Variants in RAB11FIP4 observed in about 807,000 individuals in gnomAD.
The protein encoded by RAB11FIP4 is rab11 family-interacting protein 4.
In RAB11FIP4, 23 loss-of-function variants were observed where a neutral mutation model predicts 74.3. The observed-to-expected ratio is 0.31, with a 90% CI of 0.22 to 0.44. The LOEUF is 0.44. Among genes scored for constraint, RAB11FIP4 ranks in the 20% least tolerant of loss-of-function variants. The pLI is 1.00. For missense variants in RAB11FIP4, 630 were observed against 863.9 expected (o/e 0.73, Z 3.39); for synonymous variants, 360 against 359.9 (o/e 1.00, Z 0.00).
At chr17:31,484,252 G>A (rs1437261787) in intron 3 of RAB11FIP4, among the ~76,000 whole-genome samples, 1 of 151,848 alleles carries the variant, frequency 6.6e-6, no homozygotes, top group East Asian at 1.9e-4. Flanking sequence ...TGTATTTTTA[G>A]CAGAGACAGG....
At chr17:31,479,391 A>G (rs1056678730) in intron 3 of RAB11FIP4, among the ~76,000 whole-genome samples, 5 of 152,312 alleles carry the variant, frequency 3.3e-5, no homozygotes, top group African/African-American at 4.8e-5. Context: ...TCAAGTCCTC[A>G]GCTTTCCATT....
At chr17:31,460,792 G>A (rs948179075) in intron 3 of RAB11FIP4, among the ~76,000 whole-genome samples, 2 of 151,854 alleles carry the variant, frequency 1.3e-5, no homozygotes, top group African/African-American at 4.8e-5. Flanking sequence ...GTGCAGTGGT[G>A]TGATCCTAGC....
At chr17:31,519,007 CTTTTT>C (rs1190316585) in intron 4 of RAB11FIP4, among the ~76,000 whole-genome samples, 2,416 of 73,758 alleles carry the variant, frequency 0.033, 47 homozygotes, top group East Asian at 0.26. Context: ...TAAGTTTTGT[CTTTTT>C]TTTTTTTTTT....
Position 31,532,238 on chromosome 17 carries a change from G to A in RAB11FIP4, c.*506G>A, listed in dbSNP as rs2072884471. ...CTCTTTGGCCACCTTTCAAGCCCCAGTGTTCAAGCTCAGAGAGGATGAAGG... is the reference window on the plus strand; with the variant it reads ...CTCTTTGGCCACCTTTCAAGCCCCAATGTTCAAGCTCAGAGAGGATGAAGG... On this transcript the variant is annotated 3_prime_UTR_variant, in exon 15 of 15. Transcript: ENST00000621161. 6.4e-6 allele frequency: 1 copy of A among 156,624 alleles called. No individual in the cohort carries two copies. Among genetic ancestry groups the A allele is most frequent in the Admixed American group, 6.1e-5 (1 of 16,412 alleles). 9.7% of individuals were successfully genotyped at this position (156,624 alleles called of 1,614,324 possible).
intron 3 of RAB11FIP4, among the ~76,000 whole-genome samples, chr17:31,438,830 T>A (rs1284807348): frequency 1.3e-5 from 2 of 152,118 alleles, no homozygotes; most frequent in Non-Finnish European, 2.9e-5. Flanking sequence ...AAGACTTACT[T>A]GCCGGGAGTG....
chr17:31,434,998 C>T (rs1200992121), intron 3 of RAB11FIP4, among the ~76,000 whole-genome samples: 1 of 144,246 alleles, frequency 6.9e-6, no homozygotes, highest in South Asian at 2.3e-4. Flanking sequence ...GCAGCCTGGG[C>T]AAGATGATGA....
chr17:31,522,052 G>GAGGCCC lies in RAB11FIP4; in HGVS notation c.893+12_893+17dup. On this transcript the variant is annotated splice_donor_region_variant and intron_variant, in intron 6 of 14. Coordinates refer to ENST00000621161, the MANE Select transcript of RAB11FIP4 (RefSeq NM_032932.6). ...CTGAAAAACCTGAAGGCCAACAGGT[G>GAGGCCC]AGGCCCAGGCCCAGCTGGGGGGTGA... 3 of 1,614,034 alleles carry GAGGCCC rather than the reference G, an allele frequency of 1.9e-6. No individual in the cohort carries two copies. The highest frequency in any genetic ancestry group is 2.5e-6 in the Non-Finnish European group (3 of 1,180,048).
Position 31,537,353 on chromosome 17 carries a change from T to C in RAB11FIP4, c.*5621T>C. The C allele has an allele frequency of 2.5e-6, 1 of 397,866 alleles. No homozygotes were observed. The highest frequency in any genetic ancestry group is 3.6e-5 in the East Asian group (1 of 28,066). The allele number at this position is 397,866 out of a possible 1,614,324, so 24.6% of individuals were successfully genotyped here. On this transcript the variant is annotated 3_prime_UTR_variant, in exon 15 of 15. Transcript: ENST00000621161. ...GCTCAGCCTGTAGACTTGGTAACTT[T>C]GTACAGAATCTTTCATTATTGTCTT...
intron 10 of RAB11FIP4, 75 bp downstream of exon 10, chr17:31,525,305 C>A: frequency 4.3e-6 from 6 of 1,411,488 alleles, no homozygotes; most frequent in Non-Finnish European, 5.7e-6. Context: ...TAGGCGCTAT[C>A]CCCATTTTAT....
intron 3 of RAB11FIP4, among the ~76,000 whole-genome samples, chr17:31,494,229 T>C (rs1424337337): frequency 6.6e-6 from 1 of 151,880 alleles, no homozygotes; most frequent in Non-Finnish European, 1.5e-5. Context: ...TGCCCCTTGC[T>C]ATTGGTGGAA....
At chr17:31,409,292 C>T (rs1020808871) in intron 1 of RAB11FIP4, among the ~76,000 whole-genome samples, 1 of 152,218 alleles carries the variant, frequency 6.6e-6, no homozygotes, top group South Asian at 2.1e-4. Flanking sequence ...CTCTCCGCTC[C>T]GTTCTCCTTT....
At chr17:31,454,108 CAG>C (rs1324849298) in intron 3 of RAB11FIP4, among the ~76,000 whole-genome samples, 3 of 152,112 alleles carry the variant, frequency 2.0e-5, no homozygotes, top group East Asian at 3.9e-4. Context: ...TCTCCCAGGG[CAG>C]AGACTGGCCT....
intron 3 of RAB11FIP4, among the ~76,000 whole-genome samples, chr17:31,511,264 G>A (rs976515418): frequency 2.6e-5 from 4 of 152,120 alleles, no homozygotes; most frequent in African/African-American, 7.2e-5. Flanking sequence ...ACGCCACCCC[G>A]CGCCTCCTTT....
intron 1 of RAB11FIP4, 161 bp from the exon 2 acceptor site, chr17:31,431,652 A>G (rs1288248577): frequency 1.7e-6 from 1 of 602,306 alleles, no homozygotes; most frequent in African/African-American, 1.9e-5. Context: ...CCATGGGGAG[A>G]ATAAAGTGGC....
At chr17:31,509,357 C>G (rs1446160504) in intron 3 of RAB11FIP4, 1 of 152,146 alleles carries the variant, frequency 6.6e-6, no homozygotes, top group Non-Finnish European at 1.5e-5. Flanking sequence ...GCAGGCCCAC[C>G]TTAGGATGGA....
At chr17:31,404,574 T>C (rs1477612892) in intron 1 of RAB11FIP4, among the ~76,000 whole-genome samples, 1 of 152,240 alleles carries the variant, frequency 6.6e-6, no homozygotes, top group East Asian at 1.9e-4. Context: ...TAGTGTCACA[T>C]ATGTTTGTTA....
intron 3 of RAB11FIP4, among the ~76,000 whole-genome samples, chr17:31,460,800 A>G (rs1046919957): frequency 2.0e-5 from 3 of 151,908 alleles, no homozygotes; most frequent in African/African-American, 7.3e-5. Flanking sequence ...GTGTGATCCT[A>G]GCTCATTGCA....
chr17:31,490,431 G>C (rs886888756), intron 3 of RAB11FIP4, among the ~76,000 whole-genome samples: 8 of 152,198 alleles, frequency 5.3e-5, no homozygotes, highest in Non-Finnish European at 1.2e-4. Flanking sequence ...GGGGGTGAAG[G>C]GGGTAGGAGA....
intron 1 of RAB11FIP4, among the ~76,000 whole-genome samples, chr17:31,427,083 C>T (rs1229186921): frequency 2.0e-5 from 3 of 152,158 alleles, no homozygotes; most frequent in Non-Finnish European, 4.4e-5. Flanking sequence ...CTTAGCCTCC[C>T]TGAGTAGCTG....
Sources: allele counts gnomAD v4.1 joint callset (sites outside exome capture counted in the v4.1 genomes callset), GRCh38; gene constraint gnomAD v4.1.1; transcripts MANE v1.5; gene names NCBI Gene and HGNC (gene_info 2026-07-23, HGNC 2026-07-21).